Variants in CACNA2D3 observed in about 807,000 individuals in gnomAD.
CACNA2D3 encodes the protein calcium voltage-gated channel auxiliary subunit alpha2delta 3, also known as voltage-dependent calcium channel subunit alpha-2/delta-3.
A neutral mutation model predicts 160.6 loss-of-function variants in CACNA2D3; 60 were observed. That is an observed-to-expected ratio of 0.37 (90% CI 0.30 to 0.46). The LOEUF (loss-of-function observed/expected upper bound fraction) is 0.46, where lower values mean the gene tolerates loss of function less well. CACNA2D3 is among the 20% of genes least tolerant of loss of function. CACNA2D3 has a pLI of 1.00. For missense variants in CACNA2D3, 1,205 were observed against 1,365.0 expected (o/e 0.88, Z 1.85); for synonymous variants, 558 against 492.9 (o/e 1.13, Z -1.75).
intron 25 of CACNA2D3, among the ~76,000 whole-genome samples, chr3:54,892,968 G>C (rs973655372): frequency 6.6e-6 from 1 of 152,122 alleles, no homozygotes; most frequent in Admixed American, 6.5e-5. Flanking sequence ...TTTGGTTACT[G>C]TGAAGATCAA....
chr3:55,014,404 G>A (rs1380295356), intron 34 of CACNA2D3, among the ~76,000 whole-genome samples: 2 of 152,138 alleles, frequency 1.3e-5, no homozygotes, highest in African/African-American at 4.8e-5. Context: ...AGCTTTGTAA[G>A]ATGTGAGTTC....
intron 29 of CACNA2D3, among the ~76,000 whole-genome samples, chr3:54,978,574 G>T (rs1421047951): frequency 6.6e-6 from 1 of 152,176 alleles, no homozygotes; most frequent in East Asian, 1.9e-4. Context: ...TACACAAAGA[G>T]TACAATAGCA....
At chr3:54,924,502 A>G (rs1700953276) in intron 27 of CACNA2D3, 1 of 829,698 alleles carries the variant, frequency 1.2e-6, no homozygotes, top group African/African-American at 1.7e-5. Flanking sequence ...CCGATGTGTA[A>G]AAGCCCAAAT....
chr3:54,521,720 T>G (rs1011021748), intron 5 of CACNA2D3, among the ~76,000 whole-genome samples: 4 of 152,018 alleles, frequency 2.6e-5, no homozygotes, highest in African/African-American at 9.6e-5. Flanking sequence ...GTTTTTTGTA[T>G]GAGTTCTATT....
At chr3:54,717,865 CGTGT>C (rs1559557773) in intron 11 of CACNA2D3, among the ~76,000 whole-genome samples, 1 of 130,360 alleles carries the variant, frequency 7.7e-6, no homozygotes, top group Non-Finnish European at 1.6e-5. Context: ...TATGTGCGTG[CGTGT>C]GTGTGGTGGG....
intron 11 of CACNA2D3, among the ~76,000 whole-genome samples, chr3:54,688,278 CA>C (rs1410434393): frequency 6.6e-6 from 1 of 152,270 alleles, no homozygotes; most frequent in East Asian, 1.9e-4. Context: ...GATATTAGCT[CA>C]AATAGAAGCC....
At chr3:54,500,167 A>G (rs920599081) in intron 4 of CACNA2D3, among the ~76,000 whole-genome samples, 2 of 152,018 alleles carry the variant, frequency 1.3e-5, no homozygotes, top group African/African-American at 2.4e-5. Context: ...TTCCTTGATA[A>G]TTTTCCCTGC....
chr3:55,025,100 A>G (rs1016986616), intron 35 of CACNA2D3, among the ~76,000 whole-genome samples: 2 of 152,210 alleles, frequency 1.3e-5, no homozygotes, highest in Non-Finnish European at 2.9e-5. Flanking sequence ...TTTCTATTCT[A>G]AGTGAGAAAA....
intron 27 of CACNA2D3, among the ~76,000 whole-genome samples, chr3:54,905,932 ATT>A (rs936475307): frequency 3.9e-5 from 6 of 152,172 alleles, no homozygotes; most frequent in African/African-American, 1.4e-4. Context: ...AAATATATAT[ATT>A]GCACCTACAG....
At chr3:54,586,520 A>G (rs1342762867) in intron 9 of CACNA2D3, among the ~76,000 whole-genome samples, 1 of 152,194 alleles carries the variant, frequency 6.6e-6, no homozygotes, top group Non-Finnish European at 1.5e-5. Context: ...GTTTCAAAAT[A>G]CACAAAGCAG....
intron 13 of CACNA2D3, among the ~76,000 whole-genome samples, chr3:54,768,569 G>A (rs1210875372): frequency 6.6e-6 from 1 of 152,152 alleles, no homozygotes; most frequent in African/African-American, 2.4e-5. Flanking sequence ...ATATGGTCTG[G>A]GGCAGATCTG....
chr3:54,287,113 A>G (rs561040288), intron 2 of CACNA2D3, among the ~76,000 whole-genome samples: 1 of 152,012 alleles, frequency 6.6e-6, no homozygotes, highest in Non-Finnish European at 1.5e-5. Context: ...AAATGCTCCA[A>G]TTAAAAGACA....
Position 54,804,254 on chromosome 3 carries a change from G to C in CACNA2D3, c.1381-12599G>C, listed in dbSNP as rs574224974. Among the ~76,000 whole-genome samples the C allele has an allele frequency of 2.5e-3, 387 of 151,994 alleles. 3 individuals carry two copies. The highest frequency in any genetic ancestry group is 8.9e-3 in the African/African-American group (368 of 41,476). The stretch of plus-strand genomic sequence containing the variant: ...CTAAATGCTCCAATTAAAAGACACA[G>C]ACTGGCAAATTGGATAAAGAGTCAA... On this transcript the variant is annotated intron_variant, in intron 13 of 37. Transcript: ENST00000474759.
At chr3:54,838,906 T>C (rs748749723) in intron 16 of CACNA2D3, among the ~76,000 whole-genome samples, 21 of 152,186 alleles carry the variant, frequency 1.4e-4, no homozygotes, top group Non-Finnish European at 2.4e-4. Flanking sequence ...AGTTTTGACA[T>C]GATCATTGAA....
intron 3 of CACNA2D3, among the ~76,000 whole-genome samples, chr3:54,380,803 G>A (rs755569336): frequency 3.9e-5 from 6 of 152,214 alleles, no homozygotes; most frequent in Admixed American, 3.3e-4. Flanking sequence ...GGGTATGGTT[G>A]TGATAGTAAT....
intron 2 of CACNA2D3, among the ~76,000 whole-genome samples, chr3:54,190,858 C>T (rs1700966380): frequency 6.6e-6 from 1 of 152,080 alleles, no homozygotes; most frequent in South Asian, 2.1e-4. Context: ...TCCCTAGTGG[C>T]CATGTGATCT....
intron 13 of CACNA2D3, among the ~76,000 whole-genome samples, chr3:54,803,267 A>G (rs924057904): frequency 6.6e-6 from 1 of 152,216 alleles, no homozygotes; most frequent in Non-Finnish European, 1.5e-5. Flanking sequence ...ACTCCGAGCT[A>G]CAGGAGGAAA....
intron 2 of CACNA2D3, among the ~76,000 whole-genome samples, chr3:54,194,882 C>G (rs1414702452): frequency 1.3e-5 from 2 of 152,180 alleles, no homozygotes; most frequent in Non-Finnish European, 2.9e-5. Flanking sequence ...CCATTACATT[C>G]CAATACATGG....
At chr3:55,068,370 T>C (rs1575461153) in intron 35 of CACNA2D3, among the ~76,000 whole-genome samples, 1 of 152,178 alleles carries the variant, frequency 6.6e-6, no homozygotes, top group East Asian at 1.9e-4. Flanking sequence ...GGTCCTTCCC[T>C]TCCTTCTTCT....
Sources: gnomAD v4.1 joint callset for allele counts (sites outside exome capture counted in the v4.1 genomes callset) on GRCh38, gnomAD v4.1.1 for gene constraint, MANE v1.5 for transcripts, NCBI Gene and HGNC (gene_info 2026-07-23, HGNC 2026-07-21) for gene names.